Variants in GNAS-AS1 observed in about 807,000 individuals in gnomAD.
GNAS-AS1 encodes the protein GNAS antisense RNA 1.
intron 4 of GNAS-AS1, chr20:58,834,403 G>A (rs1408812266): frequency 6.6e-6 from 1 of 152,262 alleles, no homozygotes; most frequent in African/African-American, 2.4e-5. Context: ...GGACAATGAT[G>A]TCTCAACTGG....
At position 58,840,090 on chromosome 20, in the gene GNAS-AS1, G is replaced by A. The variant is rs1347160859; in HGVS notation, n.819+1847C>T. On this transcript the variant is annotated intron_variant and non_coding_transcript_variant, in intron 4 of 4. Transcript: ENST00000424094. The surrounding 1 kb of genome is among the most constrained non-coding windows in gnomAD (Gnocchi z 6.0). Reference sequence around the variant, plus strand: ...GAGCCAGAGGGCAGGCCGGCTTCTCGGTGTGTGCCTAAGAGGATGGATCGG... The same window carrying A: ...GAGCCAGAGGGCAGGCCGGCTTCTCAGTGTGTGCCTAAGAGGATGGATCGG... The A allele has an allele frequency of 2.5e-6, 4 of 1,609,350 alleles. No individual in the cohort carries two copies. Among genetic ancestry groups the A allele is most frequent in the Admixed American group, 1.7e-5 (1 of 60,004 alleles).
intron 2 of GNAS-AS1, among the ~76,000 whole-genome samples, chr20:58,846,034 CA>C (rs1403330533): frequency 6.6e-6 from 1 of 152,044 alleles, no homozygotes; most frequent in African/African-American, 2.4e-5. Flanking sequence ...GCAGCAGGGA[CA>C]GAGGGTAAGT....
rs911399131 is a variant in GNAS-AS1 at position 58,839,707 on chromosome 20, C to A, written n.819+2230G>T. On this transcript the variant is annotated intron_variant and non_coding_transcript_variant, in intron 4 of 4. Transcript: ENST00000424094. ...CACATGCCCGGCAGAAGTCCGGGCG[C>A]GCAACTTCGCAGAACCTCACTGCCC... 3 of 472,110 alleles carry A rather than the reference C, an allele frequency of 6.4e-6. No homozygotes were observed. The South Asian group carries it at 1.5e-4, about 24-fold the overall frequency. 29.2% of individuals were successfully genotyped at this position (472,110 alleles called of 1,614,324 possible).
At position 58,841,790 on chromosome 20, in the gene GNAS-AS1, C is replaced by T. The variant is rs2085740633; in HGVS notation, n.819+147G>A. 1.2e-5 allele frequency: 15 copies of T among 1,230,626 alleles called. No individual in the cohort carries two copies. The East Asian group carries it at 4.7e-4, about 39-fold the overall frequency. The allele number at this position is 1,230,626 out of a possible 1,614,324, so 76.2% of individuals were successfully genotyped here. The stretch of plus-strand genomic sequence containing the variant: ...GCTTTTGGCGCAGCTGGTCGGGTGG[C>T]CAGGCTGCATGCGGCTTAGCAGGAG... On this transcript the variant is annotated intron_variant and non_coding_transcript_variant, in intron 4 of 4. Transcript: ENST00000424094. The surrounding 1 kb of genome is among the most constrained non-coding windows in gnomAD (Gnocchi z 5.0).
chr20:58,840,887 G>T lies in GNAS-AS1; in HGVS notation n.819+1050C>A. The T allele has an allele frequency of 6.2e-7, 1 of 1,612,544 alleles. No individual in the cohort carries two copies. Among genetic ancestry groups the T allele is most frequent in the East Asian group, 2.2e-5 (1 of 44,860 alleles). On this transcript the variant is annotated intron_variant and non_coding_transcript_variant, in intron 4 of 4. Transcript: ENST00000424094. The surrounding 1 kb of genome is among the most constrained non-coding windows in gnomAD (Gnocchi z 6.0). ...ATTCTCCTTGTTTTCATGGATTCAG[G>T]TTAGTTGCCCACCGCTAAACTGGGG...
At chr20:58,842,167 C>G (rs1339297904) in exon 4 of GNAS-AS1, 1 of 398,588 alleles carries the variant, frequency 2.5e-6, no homozygotes, top group Admixed American at 4.4e-5. Flanking sequence ...AAAACGGCAG[C>G]AATCTGGTAA....
intron 4 of GNAS-AS1, among the ~76,000 whole-genome samples, chr20:58,830,481 CCATCACCACCAT>C (rs1414457360): frequency 1.4e-5 from 1 of 69,116 alleles, no homozygotes; most frequent in Non-Finnish European, 2.9e-5. Context: ...ACCATCATCA[CCATCACCACCAT>C]CACCACCACA....
chr20:58,832,266 A>G (rs2085572853), intron 4 of GNAS-AS1, among the ~76,000 whole-genome samples: 1 of 152,278 alleles, frequency 6.6e-6, no homozygotes, highest in Non-Finnish European at 1.5e-5. Flanking sequence ...CACATAGGAT[A>G]TATTAAAATT....
At chr20:58,819,960 AC>A (rs2085474911) in intron 4 of GNAS-AS1, among the ~76,000 whole-genome samples, 1 of 152,004 alleles carries the variant, frequency 6.6e-6, no homozygotes. Flanking sequence ...GCCCCAGGTG[AC>A]CCTCCCAGAA....
chr20:58,845,737 C>T (rs1265199944), intron 2 of GNAS-AS1, among the ~76,000 whole-genome samples: 2 of 152,196 alleles, frequency 1.3e-5, no homozygotes, highest in African/African-American at 4.8e-5. Flanking sequence ...GGTCCAAGCA[C>T]TAGTGGCCAT....
At chr20:58,822,875 T>TC (rs1319912326) in intron 4 of GNAS-AS1, among the ~76,000 whole-genome samples, 1 of 152,076 alleles carries the variant, frequency 6.6e-6, no homozygotes, top group Non-Finnish European at 1.5e-5. Context: ...CCAGCTCTGC[T>TC]CCCTACGTGT....
chr20:58,821,025 A>C lies in GNAS-AS1; in HGVS notation n.820-1770T>G, dbSNP rs541573341. ...TCCCCGCTCTCTTCTTGCCACAAGA[A>C]TCCCATCTCCTAGTCAGGGAGACCT... is the stretch of plus-strand genomic sequence containing the variant. On this transcript the variant is annotated intron_variant and non_coding_transcript_variant, in intron 4 of 4. Transcript: ENST00000424094. Among the ~76,000 whole-genome samples the C allele has an allele frequency of 2.6e-5, 4 of 152,268 alleles. No individual in the cohort carries two copies. In the South Asian group the frequency reaches 8.3e-4, roughly 32 times the overall value.
intron 4 of GNAS-AS1, among the ~76,000 whole-genome samples, chr20:58,828,893 G>A (rs1267234795): frequency 1.9e-4 from 9 of 47,268 alleles, no homozygotes; most frequent in Admixed American, 2.6e-4. Context: ...TGGCCCCACC[G>A]CCCCACTCAA....
chr20:58,829,646 G>C (rs73129529), intron 4 of GNAS-AS1, among the ~76,000 whole-genome samples: 11,229 of 152,236 alleles, frequency 0.074, 522 homozygotes, highest in South Asian at 0.13. Context: ...CCTCAACTTG[G>C]AACTGCACCA....
At position 58,840,819 on chromosome 20, in the gene GNAS-AS1, G is replaced by A. The variant is rs764628148; in HGVS notation, n.819+1118C>T. 1.1e-5 allele frequency: 17 copies of A among 1,612,858 alleles called. No homozygotes were observed. Among genetic ancestry groups the A allele is most frequent in the Admixed American group, 1.7e-5 (1 of 60,024 alleles). The stretch of plus-strand genomic sequence containing the variant: ...TCCCCGGAGTCCCCTTCCAAAAAGG[G>A]ACCCATCCCCATCCGGCGTCACTAA... On this transcript the variant is annotated intron_variant and non_coding_transcript_variant, in intron 4 of 4. Transcript: ENST00000424094. This position sits in a 1 kb window ranked among gnomAD's most constrained non-coding sequence, Gnocchi z 6.0.
exon 1 of GNAS-AS1, chr20:58,850,646 ATCT>A (rs1225545797): frequency 2.8e-5 from 11 of 399,102 alleles, no homozygotes; most frequent in Middle Eastern, 6.2e-4. Flanking sequence ...AGCCCTGGAA[ATCT>A]TCTTGCTCCT....
In GNAS-AS1 at chr20:58,840,461, A is replaced by G. The variant is rs2085674867; in HGVS notation, n.819+1476T>C. ...GACCGAGAGCGAGACCGAGTCCGAA[A>G]TCGAGTCCGAGACCGACTTCGAGAC... On this transcript the variant is annotated intron_variant and non_coding_transcript_variant, in intron 4 of 4. Transcript: ENST00000424094. This position sits in a 1 kb window ranked among gnomAD's most constrained non-coding sequence, Gnocchi z 6.0. 3 of 1,613,352 alleles carry G rather than the reference A, an allele frequency of 1.9e-6. No homozygotes were observed. The highest frequency in any genetic ancestry group is 2.5e-6 in the Non-Finnish European group (3 of 1,179,754).
intron 4 of GNAS-AS1, among the ~76,000 whole-genome samples, chr20:58,822,568 C>T (rs550242968): frequency 1.3e-4 from 20 of 152,254 alleles, no homozygotes; most frequent in Non-Finnish European, 2.9e-4. Flanking sequence ...CCTGTGTGGT[C>T]GAAACATACC....
chr20:58,829,032 C>T lies in GNAS-AS1; in HGVS notation n.820-9777G>A, dbSNP rs568424600. Among the ~76,000 whole-genome samples the T allele has an allele frequency of 1.8e-3, 274 of 148,590 alleles. 1 individual carries two copies. Among genetic ancestry groups the T allele is most frequent in the Non-Finnish European group, 3.0e-3 (200 of 67,124 alleles). ...AACATGGCAGAGCTCCTGGCCCCAC[C>T]GCCCCACTCAACATGGCAGAGCTCT... On this transcript the variant is annotated intron_variant and non_coding_transcript_variant, in intron 4 of 4. Transcript: ENST00000424094.
Sources: gnomAD v4.1 joint callset for allele counts (sites outside exome capture counted in the v4.1 genomes callset) on GRCh38, gnomAD v4.1.1 for gene constraint, Gnocchi (gnomAD v3.1) non-coding constraint, MANE v1.5 for transcripts, NCBI Gene and HGNC (gene_info 2026-07-23, HGNC 2026-07-21) for gene names.